The following NHERF4 variants were observed in gnomAD, a reference collection of about 807,000 sequenced individuals.
NHERF4 encodes the protein Na(+)/H(+) exchange regulatory cofactor NHE-RF4.
the NHERF4 span, chr11:119,189,344 G>C: frequency 6.7e-7 from 1 of 1,492,248 alleles, no homozygotes; most frequent in Non-Finnish European, 9.3e-7. The surrounding 1 kb of genome is among the most constrained non-coding windows in gnomAD (Gnocchi z 5.8). Context: ...GGTAGGTGGG[G>C]ACAGAAGGAC....
chr11:119,189,657 C>T, the NHERF4 span: 1 of 746,732 alleles, frequency 1.3e-6, no homozygotes, highest in African/African-American at 1.7e-5. The surrounding 1 kb of genome is among the most constrained non-coding windows in gnomAD (Gnocchi z 5.8). Flanking sequence ...GGCCCACCTG[C>T]CAGCAGAGGG....
chr11:119,188,491 G>A, the NHERF4 span: 6 of 1,609,130 alleles, frequency 3.7e-6, no homozygotes, highest in African/African-American at 4.0e-5. Flanking sequence ...GGATCCAGGG[G>A]CAGGGCTCCT....
chr11:119,187,720 A>G, the NHERF4 span: 2 of 1,480,838 alleles, frequency 1.4e-6, no homozygotes, highest in South Asian at 2.8e-5. Context: ...CCTGTCTCCC[A>G]CTCTCCTCCC....
At chr11:119,186,421 C>A in the NHERF4 span, 1 of 1,597,616 alleles carries the variant, frequency 6.3e-7, no homozygotes, top group African/African-American at 1.3e-5. The surrounding 1 kb of genome is among the most constrained non-coding windows in gnomAD (Gnocchi z 4.4). Context: ...ACACGGCGAA[C>A]CTGTACTTGG....
At chr11:119,186,329 C>G in the NHERF4 span, 2 of 1,568,566 alleles carry the variant, frequency 1.3e-6, no homozygotes, top group Non-Finnish European at 1.7e-6. This position sits in a 1 kb window ranked among gnomAD's most constrained non-coding sequence, Gnocchi z 4.4. Flanking sequence ...GTCCCAGTCC[C>G]TCTGCCCACG....
the NHERF4 span, chr11:119,188,116 G>A: frequency 5.2e-6 from 8 of 1,548,604 alleles, no homozygotes; most frequent in Admixed American, 1.2e-4. Flanking sequence ...TCCTGCTCCG[G>A]GAGGAAAAGG....
chr11:119,186,284 G>A, the NHERF4 span: 2 of 1,607,844 alleles, frequency 1.2e-6, no homozygotes, highest in Non-Finnish European at 1.7e-6. The surrounding 1 kb of genome is among the most constrained non-coding windows in gnomAD (Gnocchi z 4.4). Flanking sequence ...GCCTTGGTTG[G>A]GAGTAGAGAT....
At chr11:119,187,777 T>A in the NHERF4 span, 10 of 1,462,162 alleles carry the variant, frequency 6.8e-6, no homozygotes, top group Non-Finnish European at 9.0e-6. Context: ...TCCTTCCCCA[T>A]GCGCCTAACC....
the NHERF4 span, chr11:119,187,386 AGGCCCAGGGGTCC>A: frequency 6.2e-7 from 1 of 1,614,012 alleles, no homozygotes. Flanking sequence ...GTCCCACCCT[AGGCCCAGGGGTCC>A]GGCCCCGGCT....
At chr11:119,188,145 G>A in the NHERF4 span, 1 of 1,537,238 alleles carries the variant, frequency 6.5e-7, no homozygotes, top group Non-Finnish European at 8.8e-7. Context: ...GGTCGCCCTG[G>A]TGAGTGGGAG....
chr11:119,186,005 G>C, the NHERF4 span: 1 of 1,613,860 alleles, frequency 6.2e-7, no homozygotes, highest in African/African-American at 1.3e-5. The surrounding 1 kb of genome is among the most constrained non-coding windows in gnomAD (Gnocchi z 4.4). Context: ...AGGCAGCGAA[G>C]CGCTTCACTG....
At chr11:119,188,025 C>T in the NHERF4 span, 3 of 1,559,122 alleles carry the variant, frequency 1.9e-6, no homozygotes, top group Non-Finnish European at 2.6e-6. Flanking sequence ...TTGCCCCTGG[C>T]TGCACCCCTG....
At chr11:119,188,025 C>G in the NHERF4 span, 1 of 1,559,240 alleles carries the variant, frequency 6.4e-7, no homozygotes, top group African/African-American at 1.3e-5. Flanking sequence ...TTGCCCCTGG[C>G]TGCACCCCTG....
the NHERF4 span, chr11:119,186,287 G>A: frequency 5.0e-5 from 80 of 1,605,286 alleles, 1 homozygote; most frequent in Middle Eastern, 3.3e-4. The surrounding 1 kb of genome is among the most constrained non-coding windows in gnomAD (Gnocchi z 4.4). Context: ...TTGGTTGGGA[G>A]TAGAGATAGG....
At chr11:119,188,240 G>C in the NHERF4 span, 4 of 1,562,432 alleles carry the variant, frequency 2.6e-6, no homozygotes, top group South Asian at 4.9e-5. Flanking sequence ...AGGTGTCCCT[G>C]TCTGAGCTCT....
the NHERF4 span, chr11:119,186,512 T>C: frequency 6.2e-7 from 1 of 1,614,160 alleles, no homozygotes; most frequent in Non-Finnish European, 8.5e-7. This position sits in a 1 kb window ranked among gnomAD's most constrained non-coding sequence, Gnocchi z 4.4. Flanking sequence ...CGCTTCTGTT[T>C]ACTGAGCAAA....
the NHERF4 span, chr11:119,186,752 C>T: frequency 2.7e-6 from 4 of 1,455,214 alleles, no homozygotes; most frequent in Non-Finnish European, 3.7e-6. This position sits in a 1 kb window ranked among gnomAD's most constrained non-coding sequence, Gnocchi z 4.4. Flanking sequence ...TTGCTCAGTC[C>T]CCTGGGCAGT....
chr11:119,186,329 C>T, the NHERF4 span: 19 of 1,568,448 alleles, frequency 1.2e-5, no homozygotes, highest in Admixed American at 7.0e-5. This position sits in a 1 kb window ranked among gnomAD's most constrained non-coding sequence, Gnocchi z 4.4. Flanking sequence ...GTCCCAGTCC[C>T]TCTGCCCACG....
chr11:119,186,060 A>T, the NHERF4 span: 1 of 1,609,996 alleles, frequency 6.2e-7, no homozygotes, highest in South Asian at 1.1e-5. The surrounding 1 kb of genome is among the most constrained non-coding windows in gnomAD (Gnocchi z 4.4). Flanking sequence ...TCCAGCTGCC[A>T]GCTTGTACCT....
Sources: allele counts gnomAD v4.1 joint callset, GRCh38; gene constraint gnomAD v4.1.1; non-coding constraint Gnocchi (gnomAD v3.1); transcripts MANE v1.5; gene names NCBI Gene and HGNC (gene_info 2026-07-23, HGNC 2026-07-21).